The following VPS54 variants were observed in gnomAD, a reference collection of about 807,000 sequenced individuals.
VPS54 encodes VPS54 subunit of GARP complex.
VPS54 carries 45 observed loss-of-function variants against 121.5 expected under a neutral mutation model. The observed-to-expected ratio is 0.37, with a 90% CI of 0.29 to 0.47. The LOEUF is 0.47. Ranked by LOEUF, VPS54 falls within the 20% of genes least tolerant of loss-of-function variation. The pLI is 0.99. For missense variants in VPS54, 1,090 were observed against 1,131.4 expected (o/e 0.96, Z 0.52); for synonymous variants, 371 against 385.8 (o/e 0.96, Z 0.45).
At chr2:63,977,170 T>C (rs768640419) in intron 3 of VPS54, among the ~76,000 whole-genome samples, 6 of 152,182 alleles carry the variant, frequency 3.9e-5, no homozygotes, top group Non-Finnish European at 7.4e-5. Context: ...ATCAGTTTTA[T>C]TGATCACAAA....
rs547678272 is a variant in VPS54 at position 63,983,790 on chromosome 2, A to G, written c.136+74T>C. On this transcript the variant is annotated intron_variant, in intron 2 of 22. Coordinates refer to ENST00000272322, the MANE Select transcript of VPS54 (RefSeq NM_016516.3). Reference sequence around the variant, plus strand: ...TAAAATTTACTCTTCTAACGTTGGTATATAAAACCTGACTACTCATTTAAA... The same window carrying G: ...TAAAATTTACTCTTCTAACGTTGGTGTATAAAACCTGACTACTCATTTAAA... The G allele has an allele frequency of 3.3e-6, 5 of 1,493,336 alleles. No individual in the cohort carries two copies. The South Asian group carries it at 6.9e-5, about 21-fold the overall frequency. The allele number at this position is 1,493,336 out of a possible 1,614,324, so 92.5% of individuals were successfully genotyped here.
chr2:63,906,275 C>T (rs1239487267), intron 20 of VPS54, among the ~76,000 whole-genome samples: 1 of 151,830 alleles, frequency 6.6e-6, no homozygotes, highest in Non-Finnish European at 1.5e-5. Flanking sequence ...CAGAAAAATC[C>T]CAAAGAATCT....
intron 3 of VPS54, among the ~76,000 whole-genome samples, chr2:63,973,942 T>G (rs1168941132): frequency 2.0e-5 from 3 of 152,226 alleles, no homozygotes; most frequent in Non-Finnish European, 4.4e-5. Flanking sequence ...AGAGTAGAAC[T>G]TTTTAATTTT....
chr2:63,957,441 C>CA (rs10551633), intron 7 of VPS54, among the ~76,000 whole-genome samples: 2,652 of 89,830 alleles, frequency 0.03, 45 homozygotes, highest in South Asian at 0.095. Flanking sequence ...GACTCCATCT[C>CA]AAAAAAAAAA....
intron 12 of VPS54, among the ~76,000 whole-genome samples, chr2:63,929,705 C>CAA (rs71393340): frequency 3.2e-4 from 42 of 129,314 alleles, no homozygotes; most frequent in Non-Finnish European, 4.4e-4. Context: ...AAAAACCCTT[C>CAA]AAAAAAAAAA....
intron 15 of VPS54, among the ~76,000 whole-genome samples, chr2:63,919,338 G>A (rs1434965398): frequency 3.3e-5 from 5 of 151,884 alleles, no homozygotes; most frequent in Admixed American, 3.3e-4. Context: ...ACTTGTGATT[G>A]CTTATGTATT....
intron 1 of VPS54, among the ~76,000 whole-genome samples, chr2:64,010,525 T>C (rs1233617422): frequency 2.0e-5 from 3 of 152,210 alleles, no homozygotes; most frequent in Admixed American, 6.5e-5. Flanking sequence ...TTCAGTTGGT[T>C]TCTTGCTGTT....
intron 1 of VPS54, among the ~76,000 whole-genome samples, chr2:64,015,518 A>G (rs551391771): frequency 6.6e-6 from 1 of 152,150 alleles, no homozygotes; most frequent in Admixed American, 6.5e-5. Context: ...TACCATTGAC[A>G]TTTTGAACCG....
chr2:63,949,175 G>A lies in VPS54; in HGVS notation c.1011-12C>T, dbSNP rs368484991. ...GTGATCCCAAATGCCTAAAAAGGAA[G>A]AGAAAAATGTTATATTTATATTCAC... On this transcript the variant is annotated splice_polypyrimidine_tract_variant and intron_variant, in intron 7 of 22. Transcript: ENST00000272322. 1.3e-6 allele frequency: 2 copies of A among 1,599,244 alleles called. No homozygotes were observed. Among genetic ancestry groups the A allele is most frequent in the South Asian group, 1.1e-5 (1 of 88,248 alleles).
At position 63,912,538 on chromosome 2, in the gene VPS54, A is replaced by G; in HGVS notation, c.2544+2T>C. The G allele has an allele frequency of 1.2e-6, 2 of 1,611,914 alleles. No individual in the cohort carries two copies. Among genetic ancestry groups the G allele is most frequent in the Non-Finnish European group, 1.7e-6 (2 of 1,179,390 alleles). ...GCCAATAGAAAATATATGAAAAAGTACCTTAGTGATATGATCAAAATGCCT... is the reference window on the plus strand; with the variant it reads ...GCCAATAGAAAATATATGAAAAAGTGCCTTAGTGATATGATCAAAATGCCT... On this transcript the variant is annotated splice_donor_variant, in intron 19 of 22. Coordinates refer to ENST00000272322, the MANE Select transcript of VPS54 (RefSeq NM_016516.3). LOFTEE classifies it high-confidence loss of function.
intron 20 of VPS54, among the ~76,000 whole-genome samples, chr2:63,910,349 G>A (rs1673096018): frequency 6.6e-6 from 1 of 152,100 alleles, no homozygotes; most frequent in Admixed American, 6.5e-5. Flanking sequence ...ACGGGTCAAT[G>A]ATATATATTT....
intron 22 of VPS54, among the ~76,000 whole-genome samples, chr2:63,894,282 G>A (rs1308101005): frequency 6.6e-6 from 1 of 152,160 alleles, no homozygotes; most frequent in Non-Finnish European, 1.5e-5. Context: ...TTCACTTATA[G>A]GTATATGCCC....
intron 9 of VPS54, among the ~76,000 whole-genome samples, chr2:63,946,080 G>A (rs1158831550): frequency 6.6e-6 from 1 of 151,940 alleles, no homozygotes; most frequent in Admixed American, 6.6e-5. Context: ...CTATTATCTT[G>A]ATTTTTAAAC....
chr2:63,933,915 T>C lies in VPS54; in HGVS notation c.1497A>G (p.Ala499=). 1 of 1,613,776 alleles carries C rather than the reference T, an allele frequency of 6.2e-7. No individual in the cohort carries two copies. The highest frequency in any genetic ancestry group is 8.5e-7 in the Non-Finnish European group (1 of 1,179,820). ...LEEISQQKNA[A]KDNSLDTEVA... is the part of the protein sequence containing the mutation. ...CCTCTGTGTCCAGTGAATTATCTTTTGCAGCATTCTTCTGTTGTGAAATCT... is the reference window on the plus strand; with the variant it reads ...CCTCTGTGTCCAGTGAATTATCTTTCGCAGCATTCTTCTGTTGTGAAATCT... The change falls in exon 12 of 23, where the codon GCA becomes GCG. Residue 499 remains alanine, a synonymous_variant. Coordinates refer to ENST00000272322, the MANE Select transcript of VPS54 (RefSeq NM_016516.3).
rs540238632 is a variant in VPS54 at position 63,916,823 on chromosome 2, A to G, written c.2228+77T>C. ...TAAAACTGTTAATCCAAAATTTCCA[A>G]TTCACTTCAAGGGAGAACTAGAAGA... is the stretch of plus-strand genomic sequence containing the variant. On this transcript the variant is annotated intron_variant, in intron 16 of 22. Transcript: ENST00000272322. 684 of 1,428,326 alleles carry G rather than the reference A, an allele frequency of 4.8e-4. 7 individuals are homozygous for G. The South Asian group carries it at 6.4e-3, about 13-fold the overall frequency. 88.5% of individuals were successfully genotyped at this position (1,428,326 alleles called of 1,614,324 possible).
At chr2:63,937,702 G>C (rs1195840570) in intron 11 of VPS54, among the ~76,000 whole-genome samples, 2 of 152,074 alleles carry the variant, frequency 1.3e-5, no homozygotes, top group African/African-American at 4.8e-5. Context: ...GCATGTTCAT[G>C]GCATTATTAT....
chr2:63,984,108 G>T (rs1676931099), intron 1 of VPS54, 89 bp from the exon 2 acceptor site: 2 of 1,239,140 alleles, frequency 1.6e-6, no homozygotes, highest in South Asian at 2.4e-5. Context: ...AAAAGCAAAA[G>T]AATTTTTCAA....
rs747731456 is a variant in VPS54 at position 63,909,725 on chromosome 2, G to GTTTTTGTTTTTT, written c.2625+2619_2625+2620insAAAAAACAAAAA. Among the ~76,000 whole-genome samples, 173 of 115,272 alleles carry GTTTTTGTTTTTT rather than the reference G, an allele frequency of 1.5e-3. 5 individuals carry two copies. The highest frequency in any genetic ancestry group is 0.012 in the Middle Eastern group (2 of 166). The allele number at this position is 115,272 out of a possible 152,430, so 75.6% of individuals were successfully genotyped here. A position where few individuals can be genotyped will look rare whatever the true frequency, so the allele number is the denominator to read the frequency against. On this transcript the variant is annotated intron_variant, in intron 20 of 22. Coordinates refer to ENST00000272322, the MANE Select transcript of VPS54 (RefSeq NM_016516.3). ...AAGCGACCTCGCCTGGCCGTTTTTG[G>GTTTTTGTTTTTT]TTTTTTTTTTTTTTTTGAGACAGAG...
At chr2:63,974,072 T>C (rs1265515672) in intron 3 of VPS54, among the ~76,000 whole-genome samples, 1 of 152,244 alleles carries the variant, frequency 6.6e-6, no homozygotes, top group Non-Finnish European at 1.5e-5. Flanking sequence ...CTAGAAGTTT[T>C]ATAGTTTTGC....
Sources: allele counts gnomAD v4.1 joint callset (sites outside exome capture counted in the v4.1 genomes callset), GRCh38; gene constraint gnomAD v4.1.1; transcripts MANE v1.5; gene names NCBI Gene and HGNC (gene_info 2026-07-23, HGNC 2026-07-21).